Variants in GOT2 observed in about 807,000 individuals in gnomAD.
GOT2 encodes aspartate aminotransferase, mitochondrial.
Under a neutral mutation model 50.0 loss-of-function variants are expected in GOT2, and 17 were observed. That is an observed-to-expected ratio of 0.34 (90% CI 0.23 to 0.51). GOT2 has a LOEUF of 0.51. GOT2 is among the 20% of genes least tolerant of loss of function. GOT2 has a pLI of 0.97. For synonymous variants in GOT2, 172 were observed against 204.9 expected, an observed-to-expected ratio of 0.84 and a Z score of 1.37; for missense variants, 430 against 559.6, an observed-to-expected ratio of 0.77 and a Z score of 2.34.
intron 1 of GOT2, among the ~76,000 whole-genome samples, chr16:58,724,284 AC>A (rs2044765060): frequency 6.8e-6 from 1 of 146,456 alleles, no homozygotes; most frequent in Non-Finnish European, 1.5e-5. Flanking sequence ...ATTCTGACAA[AC>A]TTTTTTTTTT....
chr16:58,724,027 C>T (rs544688436), intron 1 of GOT2, 125 bp from the exon 2 acceptor site: 26 of 769,652 alleles, frequency 3.4e-5, no homozygotes, highest in Admixed American at 6.2e-5. Flanking sequence ...TATCTTGGCT[C>T]ACTGCAGCGT....
chr16:58,722,279 C>A lies in GOT2; in HGVS notation c.247-1G>T. 6.2e-7 allele frequency: 1 copy of A among 1,613,222 alleles called. No individual in the cohort carries two copies. Among genetic ancestry groups the A allele is most frequent in the Non-Finnish European group, 8.5e-7 (1 of 1,179,374 alleles). On this transcript the variant is annotated splice_acceptor_variant, in intron 2 of 9. Coordinates refer to ENST00000245206, the MANE Select transcript of GOT2 (RefSeq NM_002080.4). LOFTEE classifies it high-confidence loss of function. ...TTTTTGCGGCAATCTGGGCCTCTGC[C>A]TAGACAAGAGAAAATACATCCATTG...
At chr16:58,731,329 G>T (rs2152099392) in intron 1 of GOT2, among the ~76,000 whole-genome samples, 1 of 152,228 alleles carries the variant, frequency 6.6e-6, no homozygotes, top group East Asian at 1.9e-4. Flanking sequence ...ATTTTATGTA[G>T]AGACGGGGTC....
At chr16:58,728,744 G>A (rs532057534) in intron 1 of GOT2, among the ~76,000 whole-genome samples, 1 of 152,234 alleles carries the variant, frequency 6.6e-6, no homozygotes, top group South Asian at 2.1e-4. Context: ...GTAGTGGCAC[G>A]ATCTCAGCTC....
intron 8 of GOT2, among the ~76,000 whole-genome samples, chr16:58,712,002 A>G (rs1433566726): frequency 6.6e-6 from 1 of 151,820 alleles, no homozygotes; most frequent in Non-Finnish European, 1.5e-5. Flanking sequence ...GGCTTTCTAC[A>G]CAAGTTCTGC....
Position 58,712,319 on chromosome 16 carries a change from C to T in GOT2, c.1020-2752G>A, listed in dbSNP as rs186037889. On this transcript the variant is annotated intron_variant, in intron 8 of 9. Transcript: ENST00000245206. ...TTGAGGTCAGGAGTTTGAGACCAGC[C>T]TGGCCAATGTGGTGAAACCCAGTCT... Among the ~76,000 whole-genome samples, 25 of 152,278 alleles carry T rather than the reference C, an allele frequency of 1.6e-4. 1 individual carries two copies. In the East Asian group the frequency reaches 4.4e-3, roughly 27 times the overall value.
chr16:58,716,563 C>G (rs1597699938), intron 7 of GOT2, 100 bp downstream of exon 7: 3 of 144,438 alleles, frequency 2.1e-5, no homozygotes, highest in Admixed American at 1.4e-4. Flanking sequence ...TGGATGGACA[C>G]ACACACACAC....
intron 1 of GOT2, among the ~76,000 whole-genome samples, chr16:58,729,686 C>G (rs1242481981): frequency 2.6e-5 from 4 of 151,734 alleles, no homozygotes; most frequent in Admixed American, 2.6e-4. Context: ...ACTCAGAAAC[C>G]ATAGACTTGT....
rs2152096170 is a variant in GOT2, at chr16:58,722,263, C to T, written c.262G>A (p.Ala88Thr). Residue 88 changes from alanine (A) to threonine (T), a missense_variant, in exon 3 of 10, where the codon GCC (alanine) becomes ACC (threonine). By Grantham distance (58) the Ala-to-Thr change is moderately conservative (BLOSUM62 0). Transcript: ENST00000245206. ...TATTCCTTGTCCAAATTTTTTGCGG[C>T]AATCTGGGCCTCTGCCTAGACAAGA... ...PSVRKAEAQI[A>T]AKNLDKEYLP... 1 of 1,613,660 alleles carries T rather than the reference C, an allele frequency of 6.2e-7. No homozygotes were observed. Among genetic ancestry groups the T allele is most frequent in the Non-Finnish European group, 8.5e-7 (1 of 1,179,846 alleles).
chr16:58,725,407 G>T (rs141712172), intron 1 of GOT2, among the ~76,000 whole-genome samples: 4 of 152,072 alleles, frequency 2.6e-5, no homozygotes, highest in Non-Finnish European at 5.9e-5. Context: ...GAGCCACTGC[G>T]CCTGGCCTTG....
Position 58,708,055 on chromosome 16 carries a change from G to A in GOT2, c.*116C>T. On this transcript the variant is annotated 3_prime_UTR_variant, in exon 10 of 10. Coordinates refer to ENST00000245206, the MANE Select transcript of GOT2 (RefSeq NM_002080.4). ...TCAAATGCTGAGTGTTACACACTGT[G>A]GCTGAAAGAAATGATCCACTCACCA... 2.0e-6 allele frequency: 2 copies of A among 986,782 alleles called. No individual in the cohort carries two copies. The highest frequency in any genetic ancestry group is 3.2e-5 in the South Asian group (2 of 63,030). 61.1% of individuals were successfully genotyped at this position (986,782 alleles called of 1,614,324 possible). A position where few individuals can be genotyped will look rare whatever the true frequency, so the allele number is the denominator to read the frequency against.
chr16:58,734,306 C>T lies in GOT2; in HGVS notation c.-78G>A. The T allele has an allele frequency of 1.3e-6, 1 of 775,180 alleles. No individual in the cohort carries two copies. The highest frequency in any genetic ancestry group is 5.8e-5 in the South Asian group (1 of 17,352). The allele number at this position is 775,180 out of a possible 1,614,324, so 48.0% of individuals were successfully genotyped here. A position where few individuals can be genotyped will look rare whatever the true frequency, so the allele number is the denominator to read the frequency against. On this transcript the variant is annotated 5_prime_UTR_variant, in exon 1 of 10. Transcript: ENST00000245206. The stretch of plus-strand genomic sequence containing the variant: ...GGACACACACACAGGGAACCGGCTC[C>T]TGCTGAAGGTAAGGACAGGGACTTC...
At chr16:58,724,956 C>T (rs897222614) in intron 1 of GOT2, among the ~76,000 whole-genome samples, 2 of 152,202 alleles carry the variant, frequency 1.3e-5, no homozygotes, top group South Asian at 4.1e-4. Context: ...ATAAGCTCCT[C>T]TTCGCTGTGA....
chr16:58,734,314 G>A lies in GOT2; in HGVS notation c.-86C>T, dbSNP rs1016671499. On this transcript the variant is annotated 5_prime_UTR_variant, in exon 1 of 10. Transcript: ENST00000245206. ...ACACAGGGAACCGGCTCCTGCTGAA[G>A]GTAAGGACAGGGACTTCCCTGGGCC... The A allele has an allele frequency of 1.3e-5, 9 of 703,708 alleles. No homozygotes were observed. In the African/African-American group the frequency reaches 1.7e-4, roughly 13 times the overall value. 43.6% of individuals were successfully genotyped at this position (703,708 alleles called of 1,614,324 possible).
At chr16:58,717,957 G>C (rs919960419) in intron 6 of GOT2, among the ~76,000 whole-genome samples, 2 of 152,214 alleles carry the variant, frequency 1.3e-5, no homozygotes, top group Middle Eastern at 3.2e-3. Flanking sequence ...AAAGTGCTGG[G>C]ATTACAGGCG....
chr16:58,729,909 GAT>G (rs1157865280), intron 1 of GOT2, among the ~76,000 whole-genome samples: 1 of 151,884 alleles, frequency 6.6e-6, no homozygotes, highest in Non-Finnish European at 1.5e-5. Context: ...TAGGAGCAGG[GAT>G]ACTCAATTTT....
chr16:58,730,202 G>GT (rs755061888), intron 1 of GOT2, among the ~76,000 whole-genome samples: 10 of 152,096 alleles, frequency 6.6e-5, no homozygotes, highest in Non-Finnish European at 1.5e-4. Flanking sequence ...GGCATGGGAG[G>GT]TTTTTTTAAC....
At chr16:58,712,790 T>C (rs1201355117) in intron 8 of GOT2, among the ~76,000 whole-genome samples, 1 of 152,158 alleles carries the variant, frequency 6.6e-6, no homozygotes, top group Non-Finnish European at 1.5e-5. Flanking sequence ...TGCACATACA[T>C]ATATAACAGT....
chr16:58,709,277 CA>C (rs2044626551), intron 9 of GOT2, 139 bp downstream of exon 9: 1 of 746,212 alleles, frequency 1.3e-6, no homozygotes, highest in Non-Finnish European at 1.9e-6. Context: ...AAAACAAAAA[CA>C]AAAACAAAAC....
Sources: gnomAD v4.1 joint callset for allele counts (sites outside exome capture counted in the v4.1 genomes callset) on GRCh38, gnomAD v4.1.1 for gene constraint, MANE v1.5 for transcripts, NCBI Gene and HGNC (gene_info 2026-07-23, HGNC 2026-07-21) for gene names.